Variants in EGFLAM observed in about 807,000 individuals in gnomAD.
EGFLAM encodes the protein EGF like, fibronectin type III and laminin G domains, also known as pikachurin.
A neutral mutation model predicts 113.1 loss-of-function variants in EGFLAM; 79 were observed. The ratio of observed to expected loss-of-function variants is 0.70; its 90% confidence interval spans 0.58 to 0.84. EGFLAM has a LOEUF of 0.84. EGFLAM is among the 40% of genes least tolerant of loss of function. The pLI is 0.00. For missense variants in EGFLAM, 1,265 were observed against 1,291.6 expected (o/e 0.98, Z 0.32); for synonymous variants, 504 against 487.6 (o/e 1.03, Z -0.44).
intron 3 of EGFLAM, among the ~76,000 whole-genome samples, chr5:38,349,199 T>C (rs1046546282): frequency 6.6e-6 from 1 of 152,166 alleles, no homozygotes; most frequent in Non-Finnish European, 1.5e-5. Context: ...TATAATCCCA[T>C]AAGAGAAATA....
chr5:38,434,439 A>G (rs1015531954), intron 15 of EGFLAM, among the ~76,000 whole-genome samples: 1 of 152,234 alleles, frequency 6.6e-6, no homozygotes, highest in Non-Finnish European at 1.5e-5. Flanking sequence ...AGCACTTAAC[A>G]TAGTGGCTGG....
At chr5:38,407,229 T>C in intron 8 of EGFLAM, 83 bp downstream of exon 8, 1 of 1,415,840 alleles carries the variant, frequency 7.1e-7, no homozygotes, top group Non-Finnish European at 9.7e-7. Context: ...CCAAACATAG[T>C]TCCTTCTAGT....
intron 12 of EGFLAM, among the ~76,000 whole-genome samples, chr5:38,421,862 G>A (rs1370291788): frequency 6.6e-6 from 1 of 152,134 alleles, no homozygotes; most frequent in Non-Finnish European, 1.5e-5. Flanking sequence ...CAGGGGAAGA[G>A]GAAGGGGGAG....
intron 1 of EGFLAM, among the ~76,000 whole-genome samples, chr5:38,297,520 G>A (rs954263374): frequency 2.0e-5 from 3 of 152,106 alleles, no homozygotes; most frequent in African/African-American, 7.2e-5. Context: ...CTGGCAGTTG[G>A]ATATTTTATT....
At chr5:38,293,663 G>T (rs1758390459) in intron 1 of EGFLAM, among the ~76,000 whole-genome samples, 1 of 152,134 alleles carries the variant, frequency 6.6e-6, no homozygotes, top group Non-Finnish European at 1.5e-5. Context: ...GTTATATATA[G>T]GGTTATATAT....
chr5:38,338,343 C>T (rs1414169576), intron 2 of EGFLAM, among the ~76,000 whole-genome samples: 6 of 152,122 alleles, frequency 3.9e-5, no homozygotes, highest in Admixed American at 3.9e-4. Context: ...GGCCCTCATC[C>T]TATTGTTTTC....
intron 5 of EGFLAM, among the ~76,000 whole-genome samples, chr5:38,368,814 G>A (rs1270396949): frequency 1.3e-5 from 2 of 151,936 alleles, no homozygotes; most frequent in African/African-American, 2.4e-5. Context: ...ATGTGACCTT[G>A]GGCAAGTTAC....
At position 38,388,372 on chromosome 5, in the gene EGFLAM, C is replaced by A. The variant is rs1044911644; in HGVS notation, c.713-17754C>A. Reference sequence around the variant, plus strand: ...TGGTGGCTCACACCTGCAATCCCAGCATGCTGGGAGGCCAAGGTGAGAGGA... The same window carrying A: ...TGGTGGCTCACACCTGCAATCCCAGAATGCTGGGAGGCCAAGGTGAGAGGA... On this transcript the variant is annotated intron_variant, in intron 6 of 21. Coordinates refer to ENST00000322350, the MANE Select transcript of EGFLAM (RefSeq NM_152403.4). 3.9e-5 allele frequency among the ~76,000 whole-genome samples: 6 copies of A among 152,248 alleles called. No individual in the cohort carries two copies. In the South Asian group the frequency reaches 1.2e-3, roughly 32 times the overall value.
At chr5:38,357,967 ATTTTTTT>A (rs70978882) in intron 5 of EGFLAM, among the ~76,000 whole-genome samples, 1 of 119,436 alleles carries the variant, frequency 8.4e-6, no homozygotes, top group Non-Finnish European at 1.7e-5. Context: ...GGTTAAGTGA[ATTTTTTT>A]TTTTTTTTTT....
chr5:38,425,243 T>C, intron 13 of EGFLAM, 151 bp downstream of exon 13: 1 of 1,213,688 alleles, frequency 8.2e-7, no homozygotes, highest in Non-Finnish European at 1.1e-6. Context: ...CAGTGGCGCA[T>C]CTCGGCTCAC....
At chr5:38,426,766 C>T (rs1424009192) in intron 13 of EGFLAM, among the ~76,000 whole-genome samples, 1 of 152,074 alleles carries the variant, frequency 6.6e-6, no homozygotes, top group African/African-American at 2.4e-5. Flanking sequence ...CCTGCCAGCA[C>T]GTGAGAGGAG....
chr5:38,385,552 T>G (rs1306774795), intron 6 of EGFLAM, among the ~76,000 whole-genome samples: 7 of 152,276 alleles, frequency 4.6e-5, no homozygotes, highest in Non-Finnish European at 1.0e-4. Context: ...CCAAATATTT[T>G]GGATGTGGGT....
chr5:38,267,996 G>A (rs180876232), intron 1 of EGFLAM, among the ~76,000 whole-genome samples: 92 of 152,244 alleles, frequency 6.0e-4, no homozygotes, highest in Non-Finnish European at 1.1e-3. Context: ...CAGAAATCAA[G>A]CTACTTTCGA....
At chr5:38,334,775 T>C (rs1322236890) in intron 1 of EGFLAM, among the ~76,000 whole-genome samples, 2 of 152,222 alleles carry the variant, frequency 1.3e-5, no homozygotes, top group Admixed American at 1.3e-4. Context: ...CTGTTACTTA[T>C]ACATCTCATG....
chr5:38,363,378 G>A (rs961922172), intron 5 of EGFLAM, among the ~76,000 whole-genome samples: 1 of 152,022 alleles, frequency 6.6e-6, no homozygotes, highest in Non-Finnish European at 1.5e-5. Context: ...ATAATTCAAG[G>A]GGTCCCTGGA....
intron 1 of EGFLAM, among the ~76,000 whole-genome samples, chr5:38,280,398 C>T (rs929235711): frequency 6.6e-6 from 1 of 152,226 alleles, no homozygotes; most frequent in Non-Finnish European, 1.5e-5. Flanking sequence ...AGCTGTATCA[C>T]CTACTCCTTT....
At chr5:38,368,966 C>G (rs2112031281) in intron 5 of EGFLAM, among the ~76,000 whole-genome samples, 1 of 152,272 alleles carries the variant, frequency 6.6e-6, no homozygotes, top group African/African-American at 2.4e-5. Flanking sequence ...GATGGAAAGC[C>G]CTTGACGTTA....
chr5:38,293,231 T>G (rs1758376375), intron 1 of EGFLAM, among the ~76,000 whole-genome samples: 1 of 152,224 alleles, frequency 6.6e-6, no homozygotes, highest in Non-Finnish European at 1.5e-5. Flanking sequence ...AGGATTTGAA[T>G]CAGAAAACAT....
At chr5:38,266,932 G>A (rs1055419673) in intron 1 of EGFLAM, among the ~76,000 whole-genome samples, 10 of 152,108 alleles carry the variant, frequency 6.6e-5, no homozygotes, top group Non-Finnish European at 1.3e-4. Flanking sequence ...AAAATAGACC[G>A]GGCTCACTCA....
Sources: allele counts gnomAD v4.1 joint callset (sites outside exome capture counted in the v4.1 genomes callset), GRCh38; gene constraint gnomAD v4.1.1; transcripts MANE v1.5; gene names NCBI Gene and HGNC (gene_info 2026-07-23, HGNC 2026-07-21).